The following SYNJ2 variants were observed in gnomAD, a reference collection of about 807,000 sequenced individuals.
SYNJ2 encodes the protein synaptojanin 2, also known as polyphosphatidylinositol phosphatase SYNJ2.
SYNJ2 carries 116 observed loss-of-function variants against 141.3 expected under a neutral mutation model. The observed-to-expected ratio is 0.82, with a 90% confidence interval of 0.71 to 0.96. SYNJ2 has a LOEUF of 0.96. Among genes scored for constraint, SYNJ2 ranks in the 40% least tolerant of loss-of-function variants. The pLI is 0.00. For synonymous variants in SYNJ2, 745 were observed against 777.7 expected (o/e 0.96, Z 0.70); for missense variants, 1,873 against 1,934.8 (o/e 0.97, Z 0.60).
intron 16 of SYNJ2, among the ~76,000 whole-genome samples, chr6:158,075,411 C>T (rs529477311): frequency 4.6e-5 from 7 of 151,782 alleles, no homozygotes; most frequent in South Asian, 2.1e-4. Flanking sequence ...GAGGCCGAGG[C>T]GTGCGGATCA....
In SYNJ2 at chr6:158,043,210, C is replaced by A; in HGVS notation, c.712-106C>A. ...ACGCCGGAGTCCACCGTCCGCCCTT[C>A]ATTCTGGCTGGTGTCGGGTCACAGG... On this transcript the variant is annotated intron_variant, in intron 4 of 26. Coordinates refer to ENST00000355585, the MANE Select transcript of SYNJ2 (RefSeq NM_003898.4). This position sits in a 1 kb window ranked among gnomAD's most constrained non-coding sequence, Gnocchi z 4.0. 1 of 955,604 alleles carries A rather than the reference C, an allele frequency of 1.0e-6. No individual in the cohort carries two copies. The highest frequency in any genetic ancestry group is 1.6e-6 in the Non-Finnish European group (1 of 610,932). The allele number at this position is 955,604 out of a possible 1,614,324, so 59.2% of individuals were successfully genotyped here.
At chr6:158,066,343 C>T (rs1781562334) in intron 11 of SYNJ2, 101 bp from the exon 12 acceptor site, 1 of 1,359,924 alleles carries the variant, frequency 7.4e-7, no homozygotes, top group Non-Finnish European at 1.0e-6. Context: ...TCTAGAGGCT[C>T]ATGAACCATC....
chr6:157,982,063 C>A lies in SYNJ2; in HGVS notation c.102C>A (p.Phe34Leu). 1 of 1,337,362 alleles carries A rather than the reference C, an allele frequency of 7.5e-7. No individual in the cohort carries two copies. The highest frequency in any genetic ancestry group is 9.6e-7 in the Non-Finnish European group (1 of 1,045,818). 82.8% of individuals were successfully genotyped at this position (1,337,362 alleles called of 1,614,324 possible). The change falls in exon 1 of 27, where the codon TTC (phenylalanine) becomes TTA (leucine). Residue 34 changes from phenylalanine to leucine, a missense_variant. Phe to Leu is a conservative substitution (Grantham distance 22, BLOSUM62 0). Coordinates refer to ENST00000355585, the MANE Select transcript of SYNJ2 (RefSeq NM_003898.4). This position sits in a 1 kb window ranked among gnomAD's most constrained non-coding sequence, Gnocchi z 4.0. ...EARGRDDCLL[F>L]EAGTVATLAP... ...GCGGCCGCGACGACTGCCTGCTGTT[C>A]GAGGCCGGCACGGTGGCCACGCTGG...
At position 158,097,601 on chromosome 6, in the gene SYNJ2, T is replaced by C. The variant is rs914412202; in HGVS notation, c.*1237T>C. 6.6e-6 allele frequency: 1 copy of C among 152,184 alleles called. No individual in the cohort carries two copies. Among genetic ancestry groups the C allele is most frequent in the Admixed American group, 6.5e-5 (1 of 15,272 alleles). The allele number at this position is 152,184 out of a possible 1,614,324, so 9.4% of individuals were successfully genotyped here. A position where few individuals can be genotyped will look rare whatever the true frequency, so the allele number is the denominator to read the frequency against. Reference sequence around the variant, plus strand: ...CCTCGTACAGAGGCTCGCACAGCAGTGATCAAGTGTCATCCCTTACGTGAC... The same window carrying C: ...CCTCGTACAGAGGCTCGCACAGCAGCGATCAAGTGTCATCCCTTACGTGAC... On this transcript the variant is annotated 3_prime_UTR_variant, in exon 27 of 27. Transcript: ENST00000355585.
chr6:157,981,983 C>T lies in SYNJ2; in HGVS notation c.22C>T (p.Arg8Trp), dbSNP rs967020102. Residue 8 changes from arginine to tryptophan, a missense_variant, in exon 1 of 27, where the codon CGG becomes TGG. Physicochemically the swap from Arg to Trp is moderately radical, Grantham distance 101. Transcript: ENST00000355585. This position sits in a 1 kb window ranked among gnomAD's most constrained non-coding sequence, Gnocchi z 6.4. MALSKGL[R>W]LLGRLGAEGD... is the part of the protein sequence containing the mutation. ...CCTCATGGCCCTGAGCAAAGGGCTG[C>T]GGCTGCTGGGGCGCCTGGGGGCCGA... The T allele has an allele frequency of 7.9e-7, 1 of 1,273,772 alleles. No individual in the cohort carries two copies. The allele number at this position is 1,273,772 out of a possible 1,614,324, so 78.9% of individuals were successfully genotyped here.
chr6:158,027,088 G>C lies in SYNJ2; in HGVS notation c.215-1668G>C, dbSNP rs548436632. 9.3e-5 allele frequency: 92 copies of C among 985,358 alleles called. No homozygotes were observed. In the Admixed American group the frequency reaches 1.6e-3, roughly 17 times the overall value. 61.0% of individuals were successfully genotyped at this position (985,358 alleles called of 1,614,324 possible). On this transcript the variant is annotated intron_variant, in intron 2 of 26. Coordinates refer to ENST00000355585, the MANE Select transcript of SYNJ2 (RefSeq NM_003898.4). The surrounding 1 kb of genome is among the most constrained non-coding windows in gnomAD (Gnocchi z 4.6). Reference sequence around the variant, plus strand: ...CAGCAGGCCCCTGGGAGCCCTGAGCGCTCATTAAAGGAACGCACTTTAATG... The same window carrying C: ...CAGCAGGCCCCTGGGAGCCCTGAGCCCTCATTAAAGGAACGCACTTTAATG...
Position 158,078,265 on chromosome 6 carries a change from C to G in SYNJ2, c.2551C>G (p.Gln851Glu). Residue 851 changes from glutamine (Q) to glutamate (E), a missense_variant, in exon 18 of 27, where the codon CAA becomes GAA. Coordinates refer to ENST00000355585, the MANE Select transcript of SYNJ2 (RefSeq NM_003898.4). ...GCAGTATTATGGTCGTGCGGAGCTACAAGCGTCTGATCACAGGTGAGGTCC... is the reference window on the plus strand; with the variant it reads ...GCAGTATTATGGTCGTGCGGAGCTAGAAGCGTCTGATCACAGGTGAGGTCC... Reference protein sequence around the residue: ...ALQYYGRAELQASDHRPVLAI... With the variant: ...ALQYYGRAELEASDHRPVLAI... The G allele has an allele frequency of 6.2e-7, 1 of 1,613,442 alleles. No individual in the cohort carries two copies. Among genetic ancestry groups the G allele is most frequent in the Non-Finnish European group, 8.5e-7 (1 of 1,179,384 alleles).
At position 158,071,708 on chromosome 6, in the gene SYNJ2, T is replaced by G. The variant is rs1267409089; in HGVS notation, c.2047T>G (p.Cys683Gly). ...QFHSTSFCFI[C>G]SHLTAGQSQV... ...CCACAGCACCAGCTTCTGCTTCATA[T>G]GTAGTCACCTGACGGCCGGGCAGTC... Residue 683 changes from cysteine to glycine, a missense_variant, in exon 15 of 27, where the codon TGT becomes GGT. Physicochemically the swap from Cys to Gly is radical, Grantham distance 159. Coordinates refer to ENST00000355585, the MANE Select transcript of SYNJ2 (RefSeq NM_003898.4). This position sits in a 1 kb window ranked among gnomAD's most constrained non-coding sequence, Gnocchi z 4.3. 8.1e-6 allele frequency: 13 copies of G among 1,614,088 alleles called. No individual in the cohort carries two copies. The highest frequency in any genetic ancestry group is 1.0e-5 in the Non-Finnish European group (12 of 1,180,036).
chr6:157,991,655 A>G (rs1777430008), intron 1 of SYNJ2, among the ~76,000 whole-genome samples: 1 of 152,226 alleles, frequency 6.6e-6, no homozygotes. Flanking sequence ...CACTGTCACC[A>G]TCGCTACTTC....
intron 8 of SYNJ2, among the ~76,000 whole-genome samples, chr6:158,063,487 C>T (rs142142209): frequency 0.019 from 2,868 of 151,858 alleles, 55 homozygotes; most frequent in Middle Eastern, 0.041. Context: ...GGTGAAACAC[C>T]GTCTGTACTA....
In SYNJ2 at chr6:158,065,114, C is replaced by T. The variant is rs1015167398; in HGVS notation, c.1525+123C>T. ...GGTGCCTGGGATCTGAGCAGTGGAC[C>T]ATGCACCTTGCAGCTGTCACTGCCT... is the stretch of plus-strand genomic sequence containing the variant. On this transcript the variant is annotated intron_variant, in intron 11 of 26. Transcript: ENST00000355585. 58 of 1,253,736 alleles carry T rather than the reference C, an allele frequency of 4.6e-5. No homozygotes were observed. In the African/African-American group the frequency reaches 7.7e-4, roughly 17 times the overall value. The allele number at this position is 1,253,736 out of a possible 1,614,324, so 77.7% of individuals were successfully genotyped here.
At chr6:158,086,236 C>A (rs1451786252) in intron 22 of SYNJ2, among the ~76,000 whole-genome samples, 1 of 152,068 alleles carries the variant, frequency 6.6e-6, no homozygotes, top group Non-Finnish European at 1.5e-5. Flanking sequence ...TTTGGGGGAG[C>A]CCTAGGGCTG....
At chr6:158,080,338 G>A (rs1032164528) in intron 18 of SYNJ2, among the ~76,000 whole-genome samples, 1 of 151,994 alleles carries the variant, frequency 6.6e-6, no homozygotes, top group Admixed American at 6.6e-5. Flanking sequence ...AGCTGGTCAT[G>A]GTGGCATGCG....
intron 17 of SYNJ2, 43 bp from the exon 18 acceptor site, chr6:158,078,121 C>T (rs913528132): frequency 7.6e-7 from 1 of 1,312,104 alleles, no homozygotes; most frequent in African/African-American, 1.5e-5. Flanking sequence ...TGGATATTGA[C>T]TCGATTCTAT....
intron 1 of SYNJ2, among the ~76,000 whole-genome samples, chr6:158,009,470 C>T (rs1007575973): frequency 6.6e-6 from 1 of 152,200 alleles, no homozygotes; most frequent in African/African-American, 2.4e-5. Context: ...CCACAGAAGG[C>T]ACGAAGATGT....
At chr6:158,081,395 C>A (rs553210024) in intron 19 of SYNJ2, 37 bp from the exon 20 acceptor site, 1 of 1,612,100 alleles carries the variant, frequency 6.2e-7, no homozygotes, top group Non-Finnish European at 8.5e-7. Context: ...GCTGCCAGGT[C>A]GTTCTTGGCA....
chr6:158,064,534 C>T, intron 9 of SYNJ2, 67 bp from the exon 10 acceptor site: 1 of 1,588,386 alleles, frequency 6.3e-7, no homozygotes, highest in Non-Finnish European at 8.6e-7. Flanking sequence ...TAAGGAACCT[C>T]CTGGGACAGT....
At position 158,095,762 on chromosome 6, in the gene SYNJ2, G is replaced by C. The variant is rs1783760079; in HGVS notation, c.3889G>C (p.Ala1297Pro). Residue 1297 changes from alanine to proline, a missense_variant, in exon 27 of 27, where the codon GCT becomes CCT. Physicochemically the swap from Ala to Pro is conservative, Grantham distance 27. Coordinates refer to ENST00000355585, the MANE Select transcript of SYNJ2 (RefSeq NM_003898.4). ...ACCAAGAACATTTCAGCCTGGGAAA[G>C]CTGCAGAGAGGCCAAGCCACAGGAA... Reference protein sequence around the residue: ...PKPRTFQPGKAAERPSHRKPA... With the variant: ...PKPRTFQPGKPAERPSHRKPA... 6.2e-7 allele frequency: 1 copy of C among 1,614,044 alleles called. No individual in the cohort carries two copies. Among genetic ancestry groups the C allele is most frequent in the Non-Finnish European group, 8.5e-7 (1 of 1,180,038 alleles).
chr6:158,003,588 T>C (rs902282208), intron 1 of SYNJ2, among the ~76,000 whole-genome samples: 9 of 152,218 alleles, frequency 5.9e-5, no homozygotes, highest in African/African-American at 2.2e-4. Flanking sequence ...GCTGTCTGCA[T>C]TGTTAAATGA....
Sources: gnomAD v4.1 joint callset for allele counts (sites outside exome capture counted in the v4.1 genomes callset) on GRCh38, gnomAD v4.1.1 for gene constraint, Gnocchi (gnomAD v3.1) non-coding constraint, MANE v1.5 for transcripts, NCBI Gene and HGNC (gene_info 2026-07-23, HGNC 2026-07-21) for gene names.